TBCK: variants seen among roughly 807,000 people sequenced by gnomAD.
The protein encoded by TBCK is TBC1 domain containing kinase.
In TBCK, 99 loss-of-function variants were observed where a neutral mutation model predicts 113.4. That is an observed-to-expected ratio of 0.87 (90% CI 0.74 to 1.03). The LOEUF is 1.03. Among genes scored for constraint, TBCK ranks in the 50% least tolerant of loss-of-function variants. The pLI is 0.00. For missense variants in TBCK, 1,045 were observed against 1,061.3 expected, an observed-to-expected ratio of 0.98 and a Z score of 0.21; for synonymous variants, 369 against 370.8, an observed-to-expected ratio of 1.00 and a Z score of 0.05.
At chr4:106,281,307 T>A (rs1282751668) in intron 3 of TBCK, among the ~76,000 whole-genome samples, 1 of 112,474 alleles carries the variant, frequency 8.9e-6, no homozygotes, top group Non-Finnish European at 2.2e-5. Context: ...CTAATCATTT[T>A]TTTTTTTGGT....
At chr4:106,108,416 A>T (rs1742433090) in intron 24 of TBCK, among the ~76,000 whole-genome samples, 1 of 152,218 alleles carries the variant, frequency 6.6e-6, no homozygotes, top group Non-Finnish European at 1.5e-5. Context: ...ACCATGATCA[A>T]GTAGGCTTCA....
At chr4:106,287,806 C>T (rs1044162756) in intron 3 of TBCK, among the ~76,000 whole-genome samples, 2 of 152,172 alleles carry the variant, frequency 1.3e-5, no homozygotes, top group Admixed American at 6.5e-5. Context: ...TAACAGATGA[C>T]TGGAGGTCCA....
intron 20 of TBCK, among the ~76,000 whole-genome samples, chr4:106,198,437 CTA>C (rs1168591405): frequency 1.3e-5 from 2 of 152,106 alleles, no homozygotes; most frequent in African/African-American, 4.8e-5. Context: ...GGCAGATTTA[CTA>C]TGATCTGAAC....
intron 2 of TBCK, among the ~76,000 whole-genome samples, chr4:106,303,776 TC>T (rs1767207736): frequency 6.6e-6 from 1 of 152,146 alleles, no homozygotes; most frequent in African/African-American, 2.4e-5. Context: ...CACTACCCCT[TC>T]TTTTTTGCCT....
At chr4:106,054,503 T>C (rs1285076818) in intron 25 of TBCK, among the ~76,000 whole-genome samples, 1 of 151,730 alleles carries the variant, frequency 6.6e-6, no homozygotes, top group Non-Finnish European at 1.5e-5. Flanking sequence ...GTTAACCTTA[T>C]TTGATCATTT....
At chr4:106,083,940 C>A (rs944158810) in intron 25 of TBCK, among the ~76,000 whole-genome samples, 1 of 152,160 alleles carries the variant, frequency 6.6e-6, no homozygotes, top group Admixed American at 6.5e-5. Flanking sequence ...CAAGGGTCAG[C>A]AGCCTCAAAG....
chr4:106,090,686 T>C (rs906332666), intron 25 of TBCK, among the ~76,000 whole-genome samples: 8 of 152,192 alleles, frequency 5.3e-5, no homozygotes, highest in African/African-American at 1.7e-4. Flanking sequence ...GCTTAGATTT[T>C]TTTTTTCTGC....
At chr4:106,180,126 TAG>T (rs1301961811) in intron 22 of TBCK, among the ~76,000 whole-genome samples, 1 of 151,948 alleles carries the variant, frequency 6.6e-6, no homozygotes, top group Non-Finnish European at 1.5e-5. Context: ...TCTTCAAAGG[TAG>T]AGTTTCTTGT....
intron 23 of TBCK, among the ~76,000 whole-genome samples, chr4:106,120,996 C>A (rs1185392540): frequency 2.0e-5 from 3 of 152,086 alleles, no homozygotes; most frequent in Non-Finnish European, 2.9e-5. Context: ...GAGAAGAAGG[C>A]TTCAGACGAT....
chr4:106,293,128 T>G (rs148924274), intron 3 of TBCK, among the ~76,000 whole-genome samples: 2 of 152,184 alleles, frequency 1.3e-5, no homozygotes, highest in African/African-American at 4.8e-5. Context: ...ACCAGGTGAA[T>G]TGACTTCATC....
At chr4:106,155,124 G>C (rs1366225996) in intron 23 of TBCK, among the ~76,000 whole-genome samples, 1 of 151,356 alleles carries the variant, frequency 6.6e-6, no homozygotes, top group Non-Finnish European at 1.5e-5. Context: ...ATTTTTGGAG[G>C]ATACACTATT....
intron 24 of TBCK, among the ~76,000 whole-genome samples, chr4:106,103,852 A>G (rs897663148): frequency 2.6e-5 from 4 of 152,194 alleles, no homozygotes; most frequent in Non-Finnish European, 4.4e-5. Flanking sequence ...ACCTTTAGAG[A>G]ATGAAGAAAA....
At chr4:106,059,774 T>C (rs1025352189) in intron 25 of TBCK, among the ~76,000 whole-genome samples, 2 of 151,836 alleles carry the variant, frequency 1.3e-5, no homozygotes, top group Non-Finnish European at 2.9e-5. Flanking sequence ...GAGGAAGGCA[T>C]GTTGATAGCC....
chr4:106,055,549 TATAC>T (rs1441397679), intron 25 of TBCK, among the ~76,000 whole-genome samples: 1 of 91,326 alleles, frequency 1.1e-5, no homozygotes, highest in African/African-American at 3.8e-5. Flanking sequence ...AAAGTTCAAT[TATAC>T]ACACACACAC....
intron 2 of TBCK, among the ~76,000 whole-genome samples, chr4:106,304,467 AT>A (rs764119904): frequency 6.6e-6 from 1 of 152,150 alleles, no homozygotes; most frequent in African/African-American, 2.4e-5. Context: ...TTAAATTGAT[AT>A]TTTTTCCACG....
At position 106,247,208 on chromosome 4, in the gene TBCK, T is replaced by C. The variant is rs543689231; in HGVS notation, c.862A>G (p.Ser288Gly). The C allele has an allele frequency of 3.7e-5, 59 of 1,613,428 alleles. No individual in the cohort carries two copies. Among genetic ancestry groups the C allele is most frequent in the Middle Eastern group, 3.3e-4 (2 of 6,052 alleles). ...CATCTCAGAGAAGATGAAAACAGACTGGCAGGTTTGGTAAAGGGGGTATAT... is the reference window on the plus strand; with the variant it reads ...CATCTCAGAGAAGATGAAAACAGACCGGCAGGTTTGGTAAAGGGGGTATAT... Reference protein sequence around the residue: ...PLYTPFTKPASLFSSSLRCAD... With the variant: ...PLYTPFTKPAGLFSSSLRCAD... The change falls in exon 10 of 26, where the codon AGT becomes GGT. Residue 288 changes from serine (S) to glycine (G), a missense_variant. Coordinates refer to ENST00000394708, the MANE Select transcript of TBCK (RefSeq NM_001163435.3).
chr4:106,083,140 G>T (rs1360551490), intron 25 of TBCK, among the ~76,000 whole-genome samples: 1 of 152,222 alleles, frequency 6.6e-6, no homozygotes, highest in African/African-American at 2.4e-5. Context: ...CTTGGGGAAG[G>T]GGCAGCAGCC....
chr4:106,165,206 A>C (rs1750229403), intron 23 of TBCK, among the ~76,000 whole-genome samples: 1 of 151,816 alleles, frequency 6.6e-6, no homozygotes, highest in South Asian at 2.1e-4. Flanking sequence ...TCTATTAACC[A>C]AGATTACATA....
intron 3 of TBCK, among the ~76,000 whole-genome samples, chr4:106,282,302 TAGTC>T (rs1269912126): frequency 6.6e-6 from 1 of 152,030 alleles, no homozygotes; most frequent in Non-Finnish European, 1.5e-5. Context: ...TTTTTTTTCT[TAGTC>T]TATCTAAAGG....
Sources: allele counts gnomAD v4.1 joint callset (sites outside exome capture counted in the v4.1 genomes callset), GRCh38; gene constraint gnomAD v4.1.1; transcripts MANE v1.5; gene names NCBI Gene and HGNC (gene_info 2026-07-23, HGNC 2026-07-21).